Variants in CDC42BPA observed in about 807,000 individuals in gnomAD.
CDC42BPA encodes the protein CDC42 binding protein kinase alpha.
Under a neutral mutation model 223.5 loss-of-function variants are expected in CDC42BPA, and 80 were observed. The ratio of observed to expected loss-of-function variants is 0.36; its 90% CI spans 0.30 to 0.43. The LOEUF (loss-of-function observed/expected upper bound fraction) is 0.43. CDC42BPA is among the 20% of genes least tolerant of loss of function. The probability of loss-of-function intolerance (pLI) is 1.00; values close to 1 mark genes in which losing one functional copy is unlikely to be tolerated. For missense variants in CDC42BPA, 1,743 were observed against 2,099.9 expected, an observed-to-expected ratio of 0.83 and a Z score of 3.32; for synonymous variants, 694 against 718.6, an observed-to-expected ratio of 0.97 and a Z score of 0.55.
At chr1:227,053,910 T>C (rs150756993) in intron 21 of CDC42BPA, among the ~76,000 whole-genome samples, 212 of 152,276 alleles carry the variant, frequency 1.4e-3, no homozygotes, top group African/African-American at 4.0e-3. Context: ...CCTCCTAGTT[T>C]TCATAAGATT....
chr1:227,168,661 A>C (rs923998325), intron 5 of CDC42BPA, among the ~76,000 whole-genome samples: 2 of 151,572 alleles, frequency 1.3e-5, no homozygotes, highest in African/African-American at 4.8e-5. Context: ...ACGTCCGGCT[A>C]ATTTTTTTTG....
At chr1:227,262,878 C>T (rs1157690622) in intron 1 of CDC42BPA, among the ~76,000 whole-genome samples, 1 of 152,190 alleles carries the variant, frequency 6.6e-6, no homozygotes, top group Non-Finnish European at 1.5e-5. Flanking sequence ...AAACTTGCAA[C>T]TTTAATCACA....
intron 3 of CDC42BPA, among the ~76,000 whole-genome samples, chr1:227,212,516 C>T (rs564945758): frequency 6.6e-6 from 1 of 152,218 alleles, no homozygotes; most frequent in East Asian, 1.9e-4. Context: ...CATGATACAG[C>T]ACAGCAGCGG....
intron 12 of CDC42BPA, among the ~76,000 whole-genome samples, chr1:227,116,194 A>G (rs540041787): frequency 1.4e-4 from 21 of 152,354 alleles, no homozygotes; most frequent in African/African-American, 4.8e-4. Context: ...AATGTTATCT[A>G]TACTATCACA....
intron 1 of CDC42BPA, among the ~76,000 whole-genome samples, chr1:227,306,903 T>C (rs929671934): frequency 9.2e-5 from 14 of 152,202 alleles, no homozygotes; most frequent in South Asian, 2.1e-4. Flanking sequence ...ACTTGGGGCA[T>C]TGCATTAGCC....
In CDC42BPA at chr1:227,031,628, G is replaced by A. The variant is rs1669306694; in HGVS notation, c.3559-114C>T. 6.5e-6 allele frequency: 5 copies of A among 766,032 alleles called. No individual in the cohort carries two copies. The South Asian group carries it at 8.6e-5, about 13-fold the overall frequency. The allele number at this position is 766,032 out of a possible 1,614,324, so 47.5% of individuals were successfully genotyped here. A position where few individuals can be genotyped will look rare whatever the true frequency, so the allele number is the denominator to read the frequency against. On this transcript the variant is annotated intron_variant, in intron 27 of 36. Coordinates refer to ENST00000366766, the MANE Select transcript of CDC42BPA (RefSeq NM_001394014.1). ...CCAATAAAATAAGCATTCATTAAAT[G>A]ATACCATTACTGGAGTTCAGCTATT...
rs866181712 is a variant in CDC42BPA at position 226,994,950 on chromosome 1, T to C, written c.5006A>G (p.Lys1669Arg). Residue 1669 changes from lysine to arginine, a missense_variant, in exon 36 of 37, where the codon AAG (lysine) becomes AGG (arginine). By Grantham distance (26) the Lys-to-Arg change is conservative (BLOSUM62 2). Transcript: ENST00000366766. The surrounding 1 kb of genome is among the most constrained non-coding windows in gnomAD (Gnocchi z 4.0). ...RSSAQNGSAL[K>R]REFSGGSYSA... ...GTAGCTTCCTCCAGAGAATTCCCTC[T>C]TTAATGCGCTGCCATTCTGTGCGGA... 2.5e-6 allele frequency: 4 copies of C among 1,614,146 alleles called. No individual in the cohort carries two copies. The highest frequency in any genetic ancestry group is 1.6e-4 in the Middle Eastern group (1 of 6,062).
chr1:227,157,276 C>A (rs1662994184), intron 6 of CDC42BPA, among the ~76,000 whole-genome samples: 2 of 152,192 alleles, frequency 1.3e-5, no homozygotes. Context: ...ACATGGAGGA[C>A]ATTCTTTAGC....
Position 227,029,055 on chromosome 1 carries a change from C to G in CDC42BPA, c.4034G>C (p.Arg1345Pro). Residue 1345 changes from arginine to proline, a missense_variant, in exon 30 of 37, where the codon CGC becomes CCC. Physicochemically the swap from Arg to Pro is moderately radical, Grantham distance 103. Transcript: ENST00000366766. ...GCQTVTSGKVRHGALTCLCVA... is the reference protein window; with the variant it reads ...GCQTVTSGKVPHGALTCLCVA... ...ACACAGGCATGTGAGAGCTCCATGGCGCACCTTTCCAGAAGTTACGGTTTG... is the reference window on the plus strand; with the variant it reads ...ACACAGGCATGTGAGAGCTCCATGGGGCACCTTTCCAGAAGTTACGGTTTG... 6.2e-7 allele frequency: 1 copy of G among 1,614,030 alleles called. No individual in the cohort carries two copies. The highest frequency in any genetic ancestry group is 1.1e-5 in the South Asian group (1 of 91,090).
chr1:227,049,279 A>T (rs1459815474), intron 22 of CDC42BPA, among the ~76,000 whole-genome samples: 2 of 152,054 alleles, frequency 1.3e-5, no homozygotes, highest in African/African-American at 2.4e-5. Context: ...TAGAGTTTAT[A>T]AAGACAAGGC....
At chr1:227,154,802 A>G (rs1161437356) in intron 6 of CDC42BPA, among the ~76,000 whole-genome samples, 1 of 152,094 alleles carries the variant, frequency 6.6e-6, no homozygotes, top group Non-Finnish European at 1.5e-5. Context: ...AAATTAAGCT[A>G]ATTTCAAAGC....
In CDC42BPA at chr1:227,028,915, C is replaced by T. The variant is rs1416212631; in HGVS notation, c.4174G>A (p.Glu1392Lys). The change falls in exon 30 of 37, where the codon GAA becomes AAA. Residue 1392 changes from glutamate (E) to lysine (K), a missense_variant. Physicochemically the swap from Glu to Lys is moderately conservative, Grantham distance 56. Around this residue, in one of 6 missense-constraint regions of CDC42BPA, gnomAD observed 678 missense variants for 777.5 expected, o/e 0.87. Coordinates refer to ENST00000366766, the MANE Select transcript of CDC42BPA (RefSeq NM_001394014.1). ...GACTGGAATCCCACACAGAGTTGTT[C>T]ACTGAAGATTGCCATCCACTGGACA... ...YNVQWMAIFS[E>K]QLCVGFQSGF... The T allele has an allele frequency of 1.2e-6, 2 of 1,613,964 alleles. No individual in the cohort carries two copies. Among genetic ancestry groups the T allele is most frequent in the Non-Finnish European group, 1.7e-6 (2 of 1,179,966 alleles).
chr1:227,310,266 A>G (rs1036975827), intron 1 of CDC42BPA, among the ~76,000 whole-genome samples: 1 of 152,202 alleles, frequency 6.6e-6, no homozygotes, highest in Non-Finnish European at 1.5e-5. Context: ...CTTTTCCCAA[A>G]CTGATTTATT....
chr1:227,273,208 G>A (rs1686265317), intron 1 of CDC42BPA, among the ~76,000 whole-genome samples: 1 of 152,076 alleles, frequency 6.6e-6, no homozygotes, highest in South Asian at 2.1e-4. Flanking sequence ...TGAGGCAGGA[G>A]AACTGCTTGA....
intron 35 of CDC42BPA, among the ~76,000 whole-genome samples, chr1:226,995,756 A>G (rs1661482561): frequency 6.6e-6 from 1 of 152,186 alleles, no homozygotes; most frequent in Non-Finnish European, 1.5e-5. Context: ...GGCTATTGTC[A>G]GTACCTATTT....
intron 10 of CDC42BPA, among the ~76,000 whole-genome samples, chr1:227,138,075 T>C (rs771940946): frequency 3.6e-4 from 54 of 152,108 alleles, no homozygotes; most frequent in Non-Finnish European, 1.2e-4. Context: ...GTAATTCATA[T>C]GCAGAGATCT....
chr1:227,170,585 G>A (rs956198086), intron 5 of CDC42BPA, among the ~76,000 whole-genome samples: 1 of 152,130 alleles, frequency 6.6e-6, no homozygotes, highest in Non-Finnish European at 1.5e-5. Context: ...TCAACAGATA[G>A]CTCCCCACTG....
chr1:227,007,569 G>A (rs1441204105), intron 34 of CDC42BPA, among the ~76,000 whole-genome samples: 2 of 152,148 alleles, frequency 1.3e-5, no homozygotes, highest in Non-Finnish European at 2.9e-5. Flanking sequence ...ATTTTCAAAT[G>A]CAACAGAACA....
Position 227,035,551 on chromosome 1 carries a change from C to T in CDC42BPA, c.3256G>A (p.Val1086Ile). 1 of 1,611,148 alleles carries T rather than the reference C, an allele frequency of 6.2e-7. No homozygotes were observed. The highest frequency in any genetic ancestry group is 8.5e-7 in the Non-Finnish European group (1 of 1,178,906). Reference protein sequence around the residue: ...CVNKAPTTCPVPPEQTKGPLG... With the variant: ...CVNKAPTTCPIPPEQTKGPLG... ...GGACCTTTTGTCTGTTCAGGAGGAA[C>T]TGGACAAGTGGTTGGAGCTTTGTTT... is the stretch of plus-strand genomic sequence containing the variant. Residue 1086 changes from valine (V) to isoleucine (I), a missense_variant, in exon 25 of 37, where the codon GTT becomes ATT. Val to Ile is a conservative substitution (Grantham distance 29, BLOSUM62 3). This residue lies in a region of CDC42BPA where 678 missense variants were observed against 777.5 expected (regional missense o/e 0.87). Coordinates refer to ENST00000366766, the MANE Select transcript of CDC42BPA (RefSeq NM_001394014.1).
Sources: gnomAD v4.1 joint callset for allele counts (sites outside exome capture counted in the v4.1 genomes callset) on GRCh38, gnomAD v4.1.1 for gene constraint, gnomAD v4.1.1 regional missense constraint, Gnocchi (gnomAD v3.1) non-coding constraint, MANE v1.5 for transcripts, NCBI Gene and HGNC (gene_info 2026-07-23, HGNC 2026-07-21) for gene names.